NFKB1: variants seen among roughly 807,000 people sequenced by gnomAD.
NFKB1 encodes nuclear factor kappa B subunit 1, also known as nuclear factor NF-kappa-B p105 subunit.
A neutral mutation model predicts 105.1 loss-of-function variants in NFKB1; 9 were observed. The observed-to-expected ratio is 0.09, with a 90% CI of 0.05 to 0.15. The LOEUF (loss-of-function observed/expected upper bound fraction) is 0.15. Ranked by LOEUF, NFKB1 falls within the 10% of genes least tolerant of loss-of-function variation. The probability of loss-of-function intolerance (pLI) is 1.00; values close to 1 mark genes in which losing one functional copy is unlikely to be tolerated. For missense variants in NFKB1, 830 were observed against 1,203.7 expected (o/e 0.69, Z 4.59); for synonymous variants, 440 against 442.2 (o/e 1.00, Z 0.06).
At chr4:102,613,782 C>G (rs1728672412) in intron 23 of NFKB1, among the ~76,000 whole-genome samples, 1 of 152,154 alleles carries the variant, frequency 6.6e-6, no homozygotes, top group Admixed American at 6.5e-5. Flanking sequence ...CTTGGAAAAT[C>G]ACATTGACAC....
chr4:102,585,011 A>G (rs1477544600), intron 11 of NFKB1, among the ~76,000 whole-genome samples, 191 bp downstream of exon 11: 1 of 151,740 alleles, frequency 6.6e-6, no homozygotes, highest in Non-Finnish European at 1.5e-5. Context: ...CATCTCAAAT[A>G]GCTGGGACTA....
At chr4:102,566,128 G>A (rs17032815) in intron 5 of NFKB1, among the ~76,000 whole-genome samples, 4,672 of 152,166 alleles carry the variant, frequency 0.031, 157 homozygotes, top group African/African-American at 0.086. Flanking sequence ...CTACTACAGG[G>A]GCTAGGTGAC....
intron 11 of NFKB1, among the ~76,000 whole-genome samples, chr4:102,590,218 C>G (rs1211870609): frequency 6.6e-6 from 1 of 152,150 alleles, no homozygotes; most frequent in African/African-American, 2.4e-5. Flanking sequence ...ATGTCCCACA[C>G]ACACGTAAAA....
At position 102,612,558 on chromosome 4, in the gene NFKB1, C is replaced by T. The variant is rs1375857245; in HGVS notation, c.2544C>T (p.Ala848=). 4 of 1,613,902 alleles carry T rather than the reference C, an allele frequency of 2.5e-6. No homozygotes were observed. The Admixed American group carries it at 5.0e-5, about 20-fold the overall frequency. ...TAGGTCTGGGGATACTTAATAATGCCTTCCGGCTGAGTCCTGCTCCTTCCA... is the reference window on the plus strand; with the variant it reads ...TAGGTCTGGGGATACTTAATAATGCTTTCCGGCTGAGTCCTGCTCCTTCCA... ...QKLGLGILNN[A]FRLSPAPSKT... The change falls in exon 22 of 24, where the codon GCC becomes GCT. Residue 848 remains alanine, a synonymous_variant. Transcript: ENST00000226574.
chr4:102,539,421 T>C (rs1741857964), intron 5 of NFKB1, among the ~76,000 whole-genome samples: 1 of 152,118 alleles, frequency 6.6e-6, no homozygotes, highest in South Asian at 2.1e-4. Context: ...ACTCACCCAT[T>C]ATTTAGTATG....
chr4:102,614,351 T>G (rs915997112), intron 23 of NFKB1, among the ~76,000 whole-genome samples: 5 of 152,050 alleles, frequency 3.3e-5, no homozygotes, highest in African/African-American at 1.2e-4. Flanking sequence ...CTTACCTCTC[T>G]CTCCTGTACT....
At chr4:102,596,665 C>T (rs1273683584) in intron 14 of NFKB1, among the ~76,000 whole-genome samples, 1 of 151,946 alleles carries the variant, frequency 6.6e-6, no homozygotes, top group Admixed American at 6.6e-5. Context: ...TAATAGTCAC[C>T]CTGTCTAGAT....
chr4:102,528,780 C>G (rs1741090544), intron 2 of NFKB1, among the ~76,000 whole-genome samples: 1 of 152,150 alleles, frequency 6.6e-6, no homozygotes. Flanking sequence ...AATGTACTTT[C>G]TTCAAAATAT....
At chr4:102,570,011 A>G (rs985783693) in intron 6 of NFKB1, among the ~76,000 whole-genome samples, 1 of 152,128 alleles carries the variant, frequency 6.6e-6, no homozygotes, top group African/African-American at 2.4e-5. Flanking sequence ...ATTTGTTTCA[A>G]CATATTTTAG....
intron 3 of NFKB1, among the ~76,000 whole-genome samples, chr4:102,531,269 T>C (rs1741273230): frequency 6.6e-6 from 1 of 152,212 alleles, no homozygotes; most frequent in Non-Finnish European, 1.5e-5. Flanking sequence ...CTTTATGTTG[T>C]AGAAATTATT....
At chr4:102,519,953 G>A (rs2149107560) in intron 1 of NFKB1, among the ~76,000 whole-genome samples, 1 of 152,306 alleles carries the variant, frequency 6.6e-6, no homozygotes, top group African/African-American at 2.4e-5. Context: ...CCAAAGCACT[G>A]TCATGATGTG....
intron 5 of NFKB1, among the ~76,000 whole-genome samples, chr4:102,549,345 A>C (rs1446426849): frequency 6.7e-6 from 1 of 149,076 alleles, no homozygotes; most frequent in Non-Finnish European, 1.5e-5. Flanking sequence ...TTTTATATAC[A>C]TAAAATAATA....
chr4:102,546,032 T>C (rs1294160087), intron 5 of NFKB1, among the ~76,000 whole-genome samples: 1 of 152,104 alleles, frequency 6.6e-6, no homozygotes, highest in African/African-American at 2.4e-5. Flanking sequence ...GGCAGGAGGA[T>C]TGCTTGAGCC....
chr4:102,611,271 C>T (rs1318285270), intron 20 of NFKB1, among the ~76,000 whole-genome samples: 1 of 152,162 alleles, frequency 6.6e-6, no homozygotes, highest in East Asian at 1.9e-4. Context: ...AAGATCAGTT[C>T]TTCTAGAGAC....
At chr4:102,587,870 T>C (rs565171145) in intron 11 of NFKB1, among the ~76,000 whole-genome samples, 74 of 152,238 alleles carry the variant, frequency 4.9e-4, no homozygotes, top group African/African-American at 1.3e-3. Context: ...AGAAAAGTAG[T>C]AGGCCATTTA....
intron 5 of NFKB1, among the ~76,000 whole-genome samples, chr4:102,559,301 A>G (rs1403537894): frequency 6.6e-6 from 1 of 152,204 alleles, no homozygotes; most frequent in Admixed American, 6.5e-5. Context: ...TCATATACAA[A>G]CACAGAATAG....
intron 4 of NFKB1, among the ~76,000 whole-genome samples, chr4:102,536,328 T>C (rs911779699): frequency 6.6e-6 from 1 of 152,206 alleles, no homozygotes; most frequent in African/African-American, 2.4e-5. Flanking sequence ...ATCTGGAATC[T>C]CCCAAGGAAT....
chr4:102,602,932 A>T (rs1005101347), intron 16 of NFKB1, among the ~76,000 whole-genome samples: 3 of 152,188 alleles, frequency 2.0e-5, no homozygotes, highest in Non-Finnish European at 2.9e-5. Flanking sequence ...AGTCATCACA[A>T]ATCTATGAAT....
At chr4:102,553,084 C>T (rs999846149) in intron 5 of NFKB1, among the ~76,000 whole-genome samples, 1 of 152,130 alleles carries the variant, frequency 6.6e-6, no homozygotes, top group Non-Finnish European at 1.5e-5. Flanking sequence ...AGTTGAAATG[C>T]TCTTTATCTT....
Sources: allele counts gnomAD v4.1 joint callset (sites outside exome capture counted in the v4.1 genomes callset), GRCh38; gene constraint gnomAD v4.1.1; transcripts MANE v1.5; gene names NCBI Gene and HGNC (gene_info 2026-07-23, HGNC 2026-07-21).